The following NT5C2 variants were observed in gnomAD, a reference collection of about 807,000 sequenced individuals.
NT5C2 encodes 5'-nucleotidase, cytosolic II.
NT5C2 carries 58 observed loss-of-function variants against 76.1 expected under a neutral mutation model. That is an observed-to-expected ratio of 0.76 (90% CI 0.62 to 0.95). The LOEUF is 0.95. NT5C2 is among the 40% of genes least tolerant of loss of function. NT5C2 has a pLI of 0.00. For synonymous variants in NT5C2, 229 were observed against 237.4 expected (o/e 0.96, Z 0.32); for missense variants, 478 against 690.3 (o/e 0.69, Z 3.45).
intron 3 of NT5C2, chr10:103,146,197 A>G: frequency 1.0e-6 from 1 of 985,398 alleles, no homozygotes; most frequent in Non-Finnish European, 1.2e-6. Context: ...GTATCTTCCG[A>G]GACAGTGCTG....
chr10:103,149,940 T>C (rs1420066320), intron 3 of NT5C2, among the ~76,000 whole-genome samples: 3 of 151,696 alleles, frequency 2.0e-5, no homozygotes, highest in African/African-American at 7.3e-5. Context: ...TATTTTTCCC[T>C]GCATTACACA....
chr10:103,162,789 T>C lies in NT5C2; in HGVS notation c.101+12069A>G, dbSNP rs369342075. Among the ~76,000 whole-genome samples the C allele has an allele frequency of 1.6e-4, 25 of 152,326 alleles. No individual in the cohort carries two copies. In the East Asian group the frequency reaches 4.0e-3, roughly 25 times the overall value. ...TATTCTTATTTTTTTCAACTAAAAA[T>C]TACTATTATTTTATTATTACTAAAA... On this transcript the variant is annotated intron_variant, in intron 3 of 18. Coordinates refer to ENST00000404739, the MANE Select transcript of NT5C2 (RefSeq NM_001351169.2).
intron 4 of NT5C2, among the ~76,000 whole-genome samples, chr10:103,121,432 T>A (rs2075642212): frequency 6.6e-6 from 1 of 152,196 alleles, no homozygotes; most frequent in Admixed American, 6.5e-5. Context: ...GGTGAGGATA[T>A]ACAATTGCTG....
intron 3 of NT5C2, among the ~76,000 whole-genome samples, chr10:103,159,253 A>G (rs1293897384): frequency 5.0e-5 from 3 of 59,722 alleles, no homozygotes; most frequent in South Asian, 7.3e-4. Context: ...CAAAACATGC[A>G]CACACACACA....
In NT5C2 at chr10:103,089,311, C is replaced by T. The variant is rs1443830249; in HGVS notation, c.*361G>A. 2 of 242,222 alleles carry T rather than the reference C, an allele frequency of 8.3e-6. No homozygotes were observed. The highest frequency in any genetic ancestry group is 1.6e-5 in the Non-Finnish European group (2 of 124,794). 15.0% of individuals were successfully genotyped at this position (242,222 alleles called of 1,614,324 possible). A position where few individuals can be genotyped will look rare whatever the true frequency, so the allele number is the denominator to read the frequency against. ...TTGTAACATTACAGATCACCTCTTC[C>T]CACTCTTTGTTCCACTCTGAGACTC... On this transcript the variant is annotated 3_prime_UTR_variant, in exon 19 of 19. Coordinates refer to ENST00000404739, the MANE Select transcript of NT5C2 (RefSeq NM_001351169.2).
At chr10:103,165,144 G>C (rs1294782542) in intron 3 of NT5C2, among the ~76,000 whole-genome samples, 1 of 152,140 alleles carries the variant, frequency 6.6e-6, no homozygotes, top group Non-Finnish European at 1.5e-5. Flanking sequence ...TTCCAAGCTA[G>C]AGTATGATAG....
At chr10:103,169,682 A>C (rs1252652399) in intron 3 of NT5C2, among the ~76,000 whole-genome samples, 2 of 152,094 alleles carry the variant, frequency 1.3e-5, no homozygotes, top group Non-Finnish European at 2.9e-5. Context: ...AATTTTCTAC[A>C]TTTAATTTTT....
intron 3 of NT5C2, among the ~76,000 whole-genome samples, chr10:103,161,061 C>T (rs1464255120): frequency 6.6e-5 from 10 of 152,130 alleles, no homozygotes; most frequent in Admixed American, 6.6e-4. Flanking sequence ...AACATTCATA[C>T]ACTGCTAGAG....
chr10:103,174,314 A>G lies in NT5C2; in HGVS notation c.101+544T>C, dbSNP rs552821152. On this transcript the variant is annotated intron_variant, in intron 3 of 18. Coordinates refer to ENST00000404739, the MANE Select transcript of NT5C2 (RefSeq NM_001351169.2). Reference sequence around the variant, plus strand: ...CAGCTACTGGGGAAGTTGAGGCATGAGAATTGCTTGAAGCCAGAAGGCAGA... The same window carrying G: ...CAGCTACTGGGGAAGTTGAGGCATGGGAATTGCTTGAAGCCAGAAGGCAGA... Among the ~76,000 whole-genome samples the G allele has an allele frequency of 3.1e-3, 476 of 152,336 alleles. 4 individuals are homozygous for G. The highest frequency in any genetic ancestry group is 5.4e-3 in the Non-Finnish European group (365 of 68,036).
chr10:103,104,570 G>C (rs1209873001), intron 6 of NT5C2, among the ~76,000 whole-genome samples: 2 of 152,178 alleles, frequency 1.3e-5, no homozygotes, highest in Non-Finnish European at 2.9e-5. Context: ...CCTCATGAAA[G>C]AAACAGTGAA....
intron 4 of NT5C2, among the ~76,000 whole-genome samples, chr10:103,126,274 A>G (rs1384112188): frequency 1.3e-5 from 2 of 152,202 alleles, no homozygotes; most frequent in Admixed American, 1.3e-4. Flanking sequence ...GAACGTCGCT[A>G]AAGTAATTTG....
intron 3 of NT5C2, among the ~76,000 whole-genome samples, chr10:103,164,227 A>G (rs1420708175): frequency 6.6e-6 from 1 of 152,126 alleles, no homozygotes; most frequent in East Asian, 1.9e-4. Context: ...CATCCTGGGC[A>G]ACAGTGAAAT....
At chr10:103,159,122 A>T (rs1355102841) in intron 3 of NT5C2, among the ~76,000 whole-genome samples, 1 of 152,130 alleles carries the variant, frequency 6.6e-6, no homozygotes, top group East Asian at 1.9e-4. Context: ...AGTTCCAGCT[A>T]TTCAGGAGGC....
chr10:103,123,980 C>G (rs1254813351), intron 4 of NT5C2, among the ~76,000 whole-genome samples: 2 of 152,212 alleles, frequency 1.3e-5, no homozygotes, highest in East Asian at 3.8e-4. Flanking sequence ...ATTAACAACT[C>G]ATCCCCCCAC....
chr10:103,128,070 TCTCCCTCTC>T, intron 4 of NT5C2, among the ~76,000 whole-genome samples: 1 of 148,480 alleles, frequency 6.7e-6, no homozygotes, highest in East Asian at 2.1e-4. Context: ...TCCCTCTCCC[TCTCCCTCTC>T]CCTCTCCCTC....
In NT5C2 at chr10:103,101,498, A is replaced by AT. The variant is rs1182416557; in HGVS notation, c.390-173dup. Among the ~76,000 whole-genome samples, 6 of 144,630 alleles carry AT rather than the reference A, an allele frequency of 4.1e-5. No homozygotes were observed. The Admixed American group carries it at 4.2e-4, about 10-fold the overall frequency. The allele number at this position is 144,630 out of a possible 152,430, so 94.9% of individuals were successfully genotyped here. A position where few individuals can be genotyped will look rare whatever the true frequency, so the allele number is the denominator to read the frequency against. ...GAACGAGTTCAGGTTCCAGCTCTTT[A>AT]TTTTTTTTAATTTTAATTTTTTTTT... On this transcript the variant is annotated intron_variant, in intron 6 of 18. Transcript: ENST00000404739.
At chr10:103,111,780 G>T in intron 4 of NT5C2, 1 of 1,232,012 alleles carries the variant, frequency 8.1e-7, no homozygotes. Context: ...TGTCACTCCA[G>T]TCTTGAAGGA....
chr10:103,178,660 G>A (rs559140002), intron 2 of NT5C2, among the ~76,000 whole-genome samples: 9 of 151,510 alleles, frequency 5.9e-5, no homozygotes, highest in Non-Finnish European at 7.4e-5. Flanking sequence ...GTGAAACCCC[G>A]TCTCTACTAA....
intron 3 of NT5C2, among the ~76,000 whole-genome samples, chr10:103,170,852 G>A (rs2087783276): frequency 6.6e-6 from 1 of 151,900 alleles, no homozygotes; most frequent in Non-Finnish European, 1.5e-5. Flanking sequence ...ATATAATTAG[G>A]ATGTTTATTA....
Sources: gnomAD v4.1 joint callset for allele counts (sites outside exome capture counted in the v4.1 genomes callset) on GRCh38, gnomAD v4.1.1 for gene constraint, MANE v1.5 for transcripts, NCBI Gene and HGNC (gene_info 2026-07-23, HGNC 2026-07-21) for gene names.